Variants in SLMAP observed in about 807,000 individuals in gnomAD.
SLMAP encodes sarcolemmal membrane-associated protein.
A neutral mutation model predicts 128.8 loss-of-function variants in SLMAP; 44 were observed. That is an observed-to-expected ratio of 0.34 (90% CI 0.27 to 0.44). SLMAP has a LOEUF of 0.44. Among genes scored for constraint, SLMAP ranks in the 20% least tolerant of loss-of-function variants. The probability of loss-of-function intolerance (pLI) is 1.00; values close to 1 mark genes in which losing one functional copy is unlikely to be tolerated. For missense variants in SLMAP, 787 were observed against 985.3 expected (o/e 0.80, Z 2.69); for synonymous variants, 327 against 348.8 (o/e 0.94, Z 0.70).
At chr3:57,819,495 A>G (rs1428480599) in intron 2 of SLMAP, among the ~76,000 whole-genome samples, 2 of 152,168 alleles carry the variant, frequency 1.3e-5, no homozygotes, top group Non-Finnish European at 2.9e-5. Flanking sequence ...CCCCCCACAA[A>G]TAAGATGCAT....
chr3:57,862,261 C>T (rs1156355388), intron 10 of SLMAP, among the ~76,000 whole-genome samples, 175 bp downstream of exon 10: 1 of 151,520 alleles, frequency 6.6e-6, no homozygotes, highest in African/African-American at 2.4e-5. Context: ...GAGGTTGCAG[C>T]GAGCTGAGAT....
intron 22 of SLMAP, chr3:57,917,292 T>C: frequency 8.1e-7 from 1 of 1,228,770 alleles, no homozygotes; most frequent in Non-Finnish European, 1.1e-6. Context: ...AAATATAATA[T>C]ACAAAACTAC....
rs1467337039 is a variant in SLMAP, at chr3:57,913,237, A to G, written c.2100A>G (p.Leu700=). 2.0e-5 allele frequency: 32 copies of G among 1,594,636 alleles called. No individual in the cohort carries two copies. The highest frequency in any genetic ancestry group is 2.7e-5 in the Non-Finnish European group (31 of 1,165,622). Residue 700 remains leucine (L), a synonymous_variant, in exon 21 of 25, where the codon CTA becomes CTG. Transcript: ENST00000671191. The part of the protein sequence containing the change: ...CHSLKRENVL[L]SSELQRQEKE... ...CTCTAAAAAGGGAAAATGTTTTGCT[A>G]TCATCAGAACTGCAACGGCAAGAAA...
chr3:57,757,048 GGGCGAT>G lies in SLMAP; in HGVS notation c.-602_-597del, dbSNP rs917298353. ...TCCCGGGGCGGCCTCCGCTCAGCAG[GGGCGAT>G]GCAGACTGTCCCGCCGGCCGTCTAG... is the stretch of plus-strand genomic sequence containing the variant. On this transcript the variant is annotated 5_prime_UTR_variant, in exon 2 of 25. It removes an upstream start codon present in the reference 5' UTR. Coordinates refer to ENST00000671191, the MANE Select transcript of SLMAP (RefSeq NM_001377540.1). 3.0e-4 allele frequency: 46 copies of G among 155,720 alleles called. No individual in the cohort carries two copies. The highest frequency in any genetic ancestry group is 1.0e-3 in the African/African-American group (43 of 41,592). The allele number at this position is 155,720 out of a possible 1,614,324, so 9.6% of individuals were successfully genotyped here.
chr3:57,911,588 C>T (rs193071100), intron 19 of SLMAP, among the ~76,000 whole-genome samples: 17 of 152,172 alleles, frequency 1.1e-4, no homozygotes, highest in Admixed American at 2.0e-4. Flanking sequence ...ACCAATAATT[C>T]TTGATTGTTT....
chr3:57,822,162 T>G (rs2092578399), intron 2 of SLMAP, among the ~76,000 whole-genome samples: 1 of 152,150 alleles, frequency 6.6e-6, no homozygotes, highest in Admixed American at 6.6e-5. Flanking sequence ...CTAAGTGATT[T>G]GCCTTAATGA....
intron 2 of SLMAP, chr3:57,800,670 G>T (rs75942142): frequency 0.027 from 4,161 of 152,640 alleles, 92 homozygotes; most frequent in Non-Finnish European, 0.042. Context: ...GTTGCCTCAT[G>T]GACACATAGA....
intron 14 of SLMAP, among the ~76,000 whole-genome samples, chr3:57,877,831 CTTTTTTTTT>C (rs57685937): frequency 7.2e-5 from 8 of 111,684 alleles, no homozygotes; most frequent in Admixed American, 6.6e-4. Context: ...TTTTTTCCTT[CTTTTTTTTT>C]TTTTTTTTTT....
chr3:57,921,133 A>G, intron 22 of SLMAP, among the ~76,000 whole-genome samples: 1 of 152,172 alleles, frequency 6.6e-6, no homozygotes, highest in East Asian at 1.9e-4. Flanking sequence ...AAGATGCTGT[A>G]TCTAGAAGTG....
chr3:57,906,901 T>A (rs2096582932), intron 17 of SLMAP, among the ~76,000 whole-genome samples: 1 of 151,770 alleles, frequency 6.6e-6, no homozygotes. Context: ...AAAAGCAGAA[T>A]GATTGGAGAG....
intron 2 of SLMAP, among the ~76,000 whole-genome samples, chr3:57,785,933 CATTT>C (rs2083994422): frequency 6.6e-6 from 1 of 152,122 alleles, no homozygotes; most frequent in African/African-American, 2.4e-5. Flanking sequence ...TTTCAGCAAA[CATTT>C]ATCAGTCTTC....
intron 3 of SLMAP, among the ~76,000 whole-genome samples, chr3:57,832,604 A>G (rs188072157): frequency 6.6e-6 from 1 of 152,204 alleles, no homozygotes; most frequent in Admixed American, 6.5e-5. Flanking sequence ...TTCTCCTTTC[A>G]TTTGTCTGAA....
chr3:57,843,087 T>G (rs2094018963), intron 4 of SLMAP, among the ~76,000 whole-genome samples: 1 of 152,204 alleles, frequency 6.6e-6, no homozygotes, highest in African/African-American at 2.4e-5. Flanking sequence ...TAGCTGTTTC[T>G]ATTACTGTAA....
intron 2 of SLMAP, among the ~76,000 whole-genome samples, chr3:57,774,908 A>G (rs964669994): frequency 5.9e-5 from 9 of 152,138 alleles, no homozygotes; most frequent in African/African-American, 2.2e-4. Flanking sequence ...ATGTATTCAT[A>G]TATATACTTA....
rs552876147 is a variant in SLMAP, at chr3:57,797,661, A to G, written c.199-33722A>G. Among the ~76,000 whole-genome samples, 152 of 152,270 alleles carry G rather than the reference A, an allele frequency of 1.0e-3. 1 individual carries two copies. The highest frequency in any genetic ancestry group is 1.6e-3 in the Non-Finnish European group (111 of 68,024). On this transcript the variant is annotated intron_variant, in intron 2 of 24. Coordinates refer to ENST00000671191, the MANE Select transcript of SLMAP (RefSeq NM_001377540.1). The stretch of plus-strand genomic sequence containing the variant: ...CAATAAGTATTTTATACTTGGAAAA[A>G]CAAAATAAATTATTTTTGAAAAAGA...
intron 6 of SLMAP, among the ~76,000 whole-genome samples, chr3:57,853,299 A>G (rs1335685990): frequency 2.0e-5 from 3 of 152,242 alleles, no homozygotes; most frequent in Admixed American, 2.0e-4. Context: ...CGATAGCTTT[A>G]TTATAACCTA....
intron 2 of SLMAP, among the ~76,000 whole-genome samples, chr3:57,791,216 T>C (rs1394044021): frequency 1.3e-5 from 2 of 152,156 alleles, no homozygotes; most frequent in Non-Finnish European, 2.9e-5. Context: ...AAAAATTAGC[T>C]GGGCATTGTG....
intron 14 of SLMAP, among the ~76,000 whole-genome samples, chr3:57,877,149 T>G (rs1227223422): frequency 3.3e-5 from 5 of 152,122 alleles, no homozygotes; most frequent in Non-Finnish European, 7.3e-5. Context: ...TGTCTTACTG[T>G]TTTTTTCCTG....
intron 15 of SLMAP, among the ~76,000 whole-genome samples, chr3:57,895,943 C>CAAA (rs572722491): frequency 8.9e-6 from 1 of 112,564 alleles, no homozygotes; most frequent in Non-Finnish European, 1.9e-5. Flanking sequence ...GACGCTGTCT[C>CAAA]AAAAAAAAAA....
Sources: allele counts gnomAD v4.1 joint callset (sites outside exome capture counted in the v4.1 genomes callset), GRCh38; gene constraint gnomAD v4.1.1; transcripts MANE v1.5; gene names NCBI Gene and HGNC (gene_info 2026-07-23, HGNC 2026-07-21).